The following FAM135B variants were observed in gnomAD, a reference collection of about 807,000 sequenced individuals.
FAM135B encodes family with sequence similarity 135 member B.
A neutral mutation model predicts 127.7 loss-of-function variants in FAM135B; 43 were observed. That is an observed-to-expected ratio of 0.34 (90% CI 0.26 to 0.43). The LOEUF is 0.43. Ranked by LOEUF, FAM135B falls within the 20% of genes least tolerant of loss-of-function variation. The pLI is 1.00. For synonymous variants in FAM135B, 670 were observed against 665.1 expected (o/e 1.01, Z -0.11); for missense variants, 1,558 against 1,725.6 (o/e 0.90, Z 1.72).
At chr8:138,302,713 C>A (rs142698098) in intron 3 of FAM135B, among the ~76,000 whole-genome samples, 24 of 152,346 alleles carry the variant, frequency 1.6e-4, no homozygotes, top group Non-Finnish European at 2.9e-4. Context: ...GGCCTCCCCC[C>A]TCCCAAGCCC....
At chr8:138,186,887 G>A (rs1815633866) in intron 9 of FAM135B, among the ~76,000 whole-genome samples, 1 of 152,208 alleles carries the variant, frequency 6.6e-6, no homozygotes, top group South Asian at 2.1e-4. Context: ...TGGAATACAG[G>A]TGGCCTTGTG....
intron 1 of FAM135B, chr8:138,440,184 C>T (rs1424070381): frequency 6.6e-6 from 1 of 152,098 alleles, no homozygotes; most frequent in Non-Finnish European, 1.5e-5. Flanking sequence ...ACTTAAAGTT[C>T]CAGGTGAGAG....
rs187706005 is a variant in FAM135B at position 138,325,757 on chromosome 8, C to T, written c.78-14837G>A. Among the ~76,000 whole-genome samples the T allele has an allele frequency of 3.3e-3, 503 of 152,240 alleles. 2 individuals carry two copies. Among genetic ancestry groups the T allele is most frequent in the African/African-American group, 0.011 (476 of 41,548 alleles). On this transcript the variant is annotated intron_variant, in intron 2 of 19. Transcript: ENST00000395297. The stretch of plus-strand genomic sequence containing the variant: ...ATTAAAACAAAACAAAGCAAGTGAA[C>T]AGCATTGGCAACAACCCTAATGGTG...
intron 9 of FAM135B, among the ~76,000 whole-genome samples, chr8:138,189,756 T>C (rs572108181): frequency 2.4e-4 from 36 of 152,302 alleles, no homozygotes; most frequent in African/African-American, 7.0e-4. Context: ...CTAGCTCCAG[T>C]GCCTACGCTC....
intron 2 of FAM135B, among the ~76,000 whole-genome samples, chr8:138,332,580 C>A (rs1828264706): frequency 6.6e-6 from 1 of 152,002 alleles, no homozygotes; most frequent in African/African-American, 2.4e-5. Flanking sequence ...CTCCATCTCA[C>A]CTCCATTCAA....
intron 2 of FAM135B, among the ~76,000 whole-genome samples, chr8:138,340,886 C>A (rs960505278): frequency 6.6e-6 from 1 of 152,152 alleles, no homozygotes; most frequent in South Asian, 2.1e-4. Context: ...TCTCAGCCCC[C>A]GCATGCTCTC....
At chr8:138,390,020 C>T (rs1832453192) in intron 1 of FAM135B, among the ~76,000 whole-genome samples, 2 of 152,102 alleles carry the variant, frequency 1.3e-5, no homozygotes, top group Admixed American at 6.5e-5. Context: ...ATGTTTAATG[C>T]CTGCAAACAC....
chr8:138,486,468 C>T lies in FAM135B; in HGVS notation c.-20+10203G>A, dbSNP rs75873971. ...CCTCTACTGAGCTGGCACTCTATCA[C>T]CCAGTTGATTTTTTGGCTGCTAGCA... On this transcript the variant is annotated intron_variant, in intron 1 of 19. Coordinates refer to ENST00000395297, the MANE Select transcript of FAM135B (RefSeq NM_015912.4). Among the ~76,000 whole-genome samples, 390 of 152,270 alleles carry T rather than the reference C, an allele frequency of 2.6e-3. 1 individual carries two copies. Among genetic ancestry groups the T allele is most frequent in the African/African-American group, 8.4e-3 (349 of 41,552 alleles).
chr8:138,354,725 T>C (rs573791591), intron 2 of FAM135B, among the ~76,000 whole-genome samples: 1 of 152,262 alleles, frequency 6.6e-6, no homozygotes, highest in African/African-American at 2.4e-5. Context: ...TGACAGTCTG[T>C]AAATCAATAA....
intron 13 of FAM135B, among the ~76,000 whole-genome samples, chr8:138,149,411 C>T (rs889965622): frequency 2.6e-5 from 4 of 152,136 alleles, no homozygotes; most frequent in African/African-American, 7.2e-5. Context: ...CTCCCAGCCT[C>T]CACAAATAAC....
intron 1 of FAM135B, among the ~76,000 whole-genome samples, chr8:138,426,136 G>GTA (rs200938066): frequency 0.09 from 12,505 of 139,508 alleles, 1,131 homozygotes; most frequent in East Asian, 0.33. Flanking sequence ...GTGTGTGTGT[G>GTA]TGTATATATA....
At chr8:138,202,550 G>A (rs991951632) in intron 7 of FAM135B, among the ~76,000 whole-genome samples, 2 of 152,130 alleles carry the variant, frequency 1.3e-5, no homozygotes, top group African/African-American at 4.8e-5. Context: ...TGCCCAATTA[G>A]TCTTCGTTTT....
At chr8:138,408,845 T>G (rs576853509) in intron 1 of FAM135B, among the ~76,000 whole-genome samples, 12 of 152,266 alleles carry the variant, frequency 7.9e-5, no homozygotes, top group Admixed American at 3.9e-4. Flanking sequence ...CACGTGGGGT[T>G]ACAATCTGAG....
chr8:138,334,941 C>T (rs1055884786), intron 2 of FAM135B, among the ~76,000 whole-genome samples: 1 of 152,280 alleles, frequency 6.6e-6, no homozygotes, highest in South Asian at 2.1e-4. Flanking sequence ...CCAGCAGAAT[C>T]TTATTTTTGT....
intron 2 of FAM135B, among the ~76,000 whole-genome samples, chr8:138,315,925 A>G (rs1316841039): frequency 1.3e-5 from 2 of 152,194 alleles, no homozygotes; most frequent in Non-Finnish European, 2.9e-5. Context: ...ATATAGTATA[A>G]ATAAGTTTAG....
At position 138,497,128 on chromosome 8, in the gene FAM135B, C is replaced by G. The variant is rs896752888; in HGVS notation, c.-477G>C. Among the ~76,000 whole-genome samples the G allele has an allele frequency of 2.6e-5, 4 of 151,524 alleles. No homozygotes were observed. Among genetic ancestry groups the G allele is most frequent in the Admixed American group, 2.0e-4 (3 of 15,218 alleles). On this transcript the variant is annotated 5_prime_UTR_variant, in exon 1 of 20. Coordinates refer to ENST00000395297, the MANE Select transcript of FAM135B (RefSeq NM_015912.4). ...CACCTCTGGCGCCCTCACTCCTCTC[C>G]TTCCTCCGCCGGGACGCGGCCAGAC...
At chr8:138,439,719 C>A (rs1333295036) in intron 1 of FAM135B, 1 of 152,234 alleles carries the variant, frequency 6.6e-6, no homozygotes, top group Non-Finnish European at 1.5e-5. Context: ...TTAATCCTAA[C>A]CCCTCTGCTA....
intron 2 of FAM135B, among the ~76,000 whole-genome samples, chr8:138,332,933 C>T (rs1416327053): frequency 6.6e-6 from 1 of 151,610 alleles, no homozygotes; most frequent in African/African-American, 2.4e-5. Context: ...AGGGTGCTGT[C>T]CTCCCCTAAC....
At chr8:138,226,528 C>T (rs954922502) in intron 7 of FAM135B, among the ~76,000 whole-genome samples, 8 of 152,256 alleles carry the variant, frequency 5.3e-5, no homozygotes, top group Admixed American at 2.0e-4. Flanking sequence ...TGTGGTTGCA[C>T]AGAGCCTGGC....
Sources: allele counts gnomAD v4.1 joint callset (sites outside exome capture counted in the v4.1 genomes callset), GRCh38; gene constraint gnomAD v4.1.1; transcripts MANE v1.5; gene names NCBI Gene and HGNC (gene_info 2026-07-23, HGNC 2026-07-21).